Variants in CD109 observed in about 807,000 individuals in gnomAD.
CD109 encodes the protein CD109 molecule, also known as CD109 antigen.
In CD109, 149 loss-of-function variants were observed where a neutral mutation model predicts 165.8. The observed-to-expected ratio is 0.90, with a 90% CI of 0.79 to 1.03. The LOEUF (loss-of-function observed/expected upper bound fraction) is 1.03. CD109 is among the 50% of genes least tolerant of loss of function. CD109 has a pLI of 0.00. For missense variants in CD109, 1,712 were observed against 1,677.8 expected (o/e 1.02, Z -0.36); for synonymous variants, 585 against 592.1 (o/e 0.99, Z 0.18).
chr6:73,695,835 G>C (rs1770799400), upstream of CD109: 1 of 284,402 alleles, frequency 3.5e-6, no homozygotes, highest in Admixed American at 5.3e-5. Flanking sequence ...TACTCACCCT[G>C]GGCATCGTTG....
intron 6 of CD109, among the ~76,000 whole-genome samples, chr6:73,757,204 A>T (rs1773429229): frequency 6.6e-6 from 1 of 152,188 alleles, no homozygotes; most frequent in Admixed American, 6.5e-5. Flanking sequence ...TTATAATTTG[A>T]ATAGTTATTT....
intron 2 of CD109, among the ~76,000 whole-genome samples, chr6:73,704,488 G>A (rs1346686430): frequency 6.6e-6 from 1 of 152,222 alleles, no homozygotes; most frequent in Non-Finnish European, 1.5e-5. Context: ...ATTGGGTGAA[G>A]TTAAAAGTGA....
At chr6:73,755,503 G>A (rs1773356729) in intron 5 of CD109, among the ~76,000 whole-genome samples, 1 of 152,136 alleles carries the variant, frequency 6.6e-6, no homozygotes, top group Non-Finnish European at 1.5e-5. Context: ...GATTAACCAA[G>A]GGTACTTGTT....
At chr6:73,764,768 A>G (rs564501860) in intron 10 of CD109, among the ~76,000 whole-genome samples, 1 of 146,244 alleles carries the variant, frequency 6.8e-6, no homozygotes, top group African/African-American at 2.5e-5. Flanking sequence ...GTGAGTGGAG[A>G]TTGCGCCATT....
upstream of CD109, chr6:73,694,985 G>A (rs1420590365): frequency 2.0e-5 from 3 of 152,226 alleles, no homozygotes; most frequent in South Asian, 6.2e-4. Flanking sequence ...GAAAAAGGGT[G>A]GAACAGGAAA....
In CD109 at chr6:73,787,261, A is replaced by G. The variant is rs45572237; in HGVS notation, c.2365A>G (p.Lys789Glu). 10,845 of 1,612,880 alleles carry G rather than the reference A, an allele frequency of 6.7e-3. 77 individuals are homozygous for G. Among genetic ancestry groups the G allele is most frequent in the Admixed American group, 0.023 (1,382 of 59,944 alleles). ...EVKVIIEKSD[K>E]FDILMTSNEI... is the part of the protein sequence containing the mutation. Reference sequence around the variant, plus strand: ...TAAGGTAATCATTGAGAAAAGTGACAAATTTGATATTCTAATGACTTCAAA... The same window carrying G: ...TAAGGTAATCATTGAGAAAAGTGACGAATTTGATATTCTAATGACTTCAAA... The change falls in exon 21 of 33, where the codon AAA (lysine) becomes GAA (glutamate). Residue 789 changes from lysine (K) to glutamate (E), a missense_variant. Transcript: ENST00000287097.
In CD109 at chr6:73,765,997, C is replaced by T. The variant is rs1404227322; in HGVS notation, c.1175C>T (p.Thr392Ile). The change falls in exon 11 of 33, where the codon ACA becomes ATA. Residue 392 changes from threonine (T) to isoleucine (I), a missense_variant. Thr to Ile is a moderately conservative substitution (Grantham distance 89). Transcript: ENST00000287097. ...GAAAGAAGAAATAATGTAGTCATAA[C>T]AGTGACACAGAGAAACTATACTGAG... ...LEERRNNVVITVTQRNYTEYW... is the reference protein window; with the variant it reads ...LEERRNNVVIIVTQRNYTEYW... The T allele has an allele frequency of 3.1e-6, 5 of 1,613,928 alleles. No individual in the cohort carries two copies. The African/African-American group carries it at 6.7e-5, about 22-fold the overall frequency.
intron 3 of CD109, among the ~76,000 whole-genome samples, chr6:73,728,709 C>G (rs1405888922): frequency 1.3e-5 from 2 of 152,122 alleles, no homozygotes; most frequent in Non-Finnish European, 2.9e-5. Flanking sequence ...ATTCTGATGT[C>G]TGCTATTATT....
At chr6:73,689,890 CAT>C in the CD109 span, among the ~76,000 whole-genome samples, 90 of 152,210 alleles carry the variant, frequency 5.9e-4, no homozygotes, top group African/African-American at 2.0e-3. Flanking sequence ...ATGTGAAAAA[CAT>C]ATATTTTAGA....
At chr6:73,754,017 A>C (rs1773291532) in intron 5 of CD109, among the ~76,000 whole-genome samples, 1 of 152,236 alleles carries the variant, frequency 6.6e-6, no homozygotes, top group Non-Finnish European at 1.5e-5. Context: ...TGATTATCAT[A>C]TACTGTGTTA....
chr6:73,756,481 A>G (rs1479443242), intron 5 of CD109, among the ~76,000 whole-genome samples, 162 bp from the exon 6 acceptor site: 1 of 152,232 alleles, frequency 6.6e-6, no homozygotes, highest in Non-Finnish European at 1.5e-5. Flanking sequence ...GTTGTCTACA[A>G]ATACACTTCC....
intron 6 of CD109, 66 bp downstream of exon 6, chr6:73,756,748 AT>A (rs1773407501): frequency 8.8e-7 from 1 of 1,132,110 alleles, no homozygotes; most frequent in Non-Finnish European, 1.2e-6. Flanking sequence ...GATTAGAGAA[AT>A]TTTTAAGAGA....
chr6:73,709,576 A>G (rs1335935059), intron 2 of CD109, among the ~76,000 whole-genome samples: 2 of 152,170 alleles, frequency 1.3e-5, no homozygotes, highest in South Asian at 2.1e-4. Flanking sequence ...CATTGAATCT[A>G]TAAATTACCT....
intron 2 of CD109, among the ~76,000 whole-genome samples, chr6:73,717,898 C>T (rs890422113): frequency 2.0e-5 from 3 of 150,962 alleles, no homozygotes; most frequent in Non-Finnish European, 3.0e-5. Flanking sequence ...GGATTACAGG[C>T]GTGAGCCACC....
chr6:73,683,450 A>C, the CD109 span, among the ~76,000 whole-genome samples: 3 of 152,150 alleles, frequency 2.0e-5, no homozygotes, highest in African/African-American at 7.2e-5. Context: ...TGTGCATATC[A>C]CTATCAATAT....
the CD109 span, among the ~76,000 whole-genome samples, chr6:73,689,245 T>C: frequency 2.6e-5 from 4 of 152,158 alleles, no homozygotes; most frequent in Non-Finnish European, 4.4e-5. Flanking sequence ...AAGGATGGGA[T>C]TGTGGGAACC....
At chr6:73,756,763 AT>A in intron 6 of CD109, 81 bp downstream of exon 6, 1 of 987,488 alleles carries the variant, frequency 1.0e-6, no homozygotes, top group South Asian at 1.8e-5. Context: ...TAAGAGATGT[AT>A]TATTTGAAGT....
At chr6:73,768,350 A>G (rs1773924099) in intron 14 of CD109, 119 bp downstream of exon 14, 1 of 640,014 alleles carries the variant, frequency 1.6e-6, no homozygotes, top group Non-Finnish European at 2.7e-6. Context: ...ATATTATTCT[A>G]TTTCTAGAAC....
At chr6:73,743,148 A>G (rs1357422000) in intron 5 of CD109, among the ~76,000 whole-genome samples, 3 of 152,206 alleles carry the variant, frequency 2.0e-5, no homozygotes, top group East Asian at 1.9e-4. Context: ...CCTTAGACAT[A>G]CTAAGTCAGA....
Sources: gnomAD v4.1 joint callset for allele counts (sites outside exome capture counted in the v4.1 genomes callset) on GRCh38, gnomAD v4.1.1 for gene constraint, MANE v1.5 for transcripts, NCBI Gene and HGNC (gene_info 2026-07-23, HGNC 2026-07-21) for gene names.